The following FARP2 variants were observed in gnomAD, a reference collection of about 807,000 sequenced individuals.
FARP2 encodes the protein FERM, ARH/RhoGEF and pleckstrin domain protein 2, also known as FERM, ARHGEF and pleckstrin domain-containing protein 2.
Under a neutral mutation model 130.5 loss-of-function variants are expected in FARP2, and 111 were observed. The ratio of observed to expected loss-of-function variants is 0.85; its 90% CI spans 0.73 to 1.00. The LOEUF (loss-of-function observed/expected upper bound fraction) is 1.00, where lower values mean the gene tolerates loss of function less well. Ranked by LOEUF, FARP2 falls within the 50% of genes least tolerant of loss-of-function variation. The pLI is 0.00. For synonymous variants in FARP2, 504 were observed against 516.9 expected, an observed-to-expected ratio of 0.98 and a Z score of 0.34; for missense variants, 1,385 against 1,346.3, an observed-to-expected ratio of 1.03 and a Z score of -0.45.
chr2:241,415,535 G>A (rs1048196942), intron 7 of FARP2, among the ~76,000 whole-genome samples: 2 of 152,188 alleles, frequency 1.3e-5, no homozygotes, highest in Non-Finnish European at 2.9e-5. Flanking sequence ...TGGGATGCTG[G>A]GGAGAGTGTT....
chr2:241,411,987 G>A (rs368755993), intron 6 of FARP2, among the ~76,000 whole-genome samples: 1 of 152,156 alleles, frequency 6.6e-6, no homozygotes, highest in East Asian at 1.9e-4. Context: ...ACATGGCAAC[G>A]AATGCAATGT....
intron 13 of FARP2, among the ~76,000 whole-genome samples, chr2:241,454,058 A>G (rs922866994): frequency 2.0e-5 from 3 of 152,064 alleles, no homozygotes; most frequent in South Asian, 2.1e-4. Context: ...TGTTGGGATT[A>G]TAGCCATGAG....
At chr2:241,413,469 C>G (rs973133944) in intron 7 of FARP2, 48 bp downstream of exon 7, 2 of 1,250,090 alleles carry the variant, frequency 1.6e-6, no homozygotes, top group Middle Eastern at 1.8e-4. Context: ...ACAGTAATGA[C>G]TAAAGAGTGT....
At position 241,494,208 on chromosome 2, in the gene FARP2, A is replaced by T; in HGVS notation, c.*83A>T. On this transcript the variant is annotated 3_prime_UTR_variant, in exon 27 of 27. Transcript: ENST00000264042. The surrounding 1 kb of genome is among the most constrained non-coding windows in gnomAD (Gnocchi z 4.9). ...CCTCTGTCCTGAGGCTTCTCAACAG[A>T]TGGGAAGTGGCTGTGGTCTCACTGG... 1.2e-6 allele frequency: 1 copy of T among 804,916 alleles called. No homozygotes were observed. The highest frequency in any genetic ancestry group is 2.4e-4 in the Middle Eastern group (1 of 4,116). 49.9% of individuals were successfully genotyped at this position (804,916 alleles called of 1,614,324 possible). A position where few individuals can be genotyped will look rare whatever the true frequency, so the allele number is the denominator to read the frequency against.
At chr2:241,399,382 T>G (rs2062106197) in intron 2 of FARP2, among the ~76,000 whole-genome samples, 1 of 152,216 alleles carries the variant, frequency 6.6e-6, no homozygotes, top group Admixed American at 6.5e-5. Flanking sequence ...CCCAGCTTAC[T>G]GCAACCTCCA....
At chr2:241,392,593 A>G (rs367948066) in intron 2 of FARP2, among the ~76,000 whole-genome samples, 1 of 152,248 alleles carries the variant, frequency 6.6e-6, no homozygotes, top group South Asian at 2.1e-4. Flanking sequence ...TAGAAAGATG[A>G]AGTGCCTGGG....
At chr2:241,453,565 T>G (rs1399262425) in intron 13 of FARP2, among the ~76,000 whole-genome samples, 8 of 150,724 alleles carry the variant, frequency 5.3e-5, no homozygotes, top group Admixed American at 4.6e-4. Flanking sequence ...GAGCTTGCAG[T>G]GAGCCGAGAT....
chr2:241,423,988 G>A (rs1362335624), intron 8 of FARP2, among the ~76,000 whole-genome samples: 1 of 152,134 alleles, frequency 6.6e-6, no homozygotes, highest in Non-Finnish European at 1.5e-5. Flanking sequence ...AAACGACTTA[G>A]ACTCCCACAC....
At chr2:241,415,421 C>G (rs956272124) in intron 7 of FARP2, among the ~76,000 whole-genome samples, 3 of 152,154 alleles carry the variant, frequency 2.0e-5, no homozygotes, top group Non-Finnish European at 4.4e-5. Context: ...ATAGTCTCTC[C>G]CTGCTGAGAC....
At chr2:241,367,376 A>AT (rs1384677614) in intron 1 of FARP2, among the ~76,000 whole-genome samples, 4 of 152,076 alleles carry the variant, frequency 2.6e-5, no homozygotes, top group African/African-American at 9.7e-5. Flanking sequence ...AGGTCTTGAC[A>AT]TTTTTCTCTG....
intron 13 of FARP2, among the ~76,000 whole-genome samples, chr2:241,451,165 G>A (rs1002144103): frequency 1.8e-4 from 27 of 152,074 alleles, no homozygotes; most frequent in African/African-American, 6.3e-4. Context: ...GTAGAGACAG[G>A]GTTTCACTGT....
In FARP2 at chr2:241,491,627, G is replaced by T; in HGVS notation, c.2735G>T (p.Cys912Phe). The T allele has an allele frequency of 6.2e-7, 1 of 1,613,544 alleles. No homozygotes were observed. The highest frequency in any genetic ancestry group is 1.1e-5 in the South Asian group (1 of 91,068). Residue 912 changes from cysteine (C) to phenylalanine (F), a missense_variant, in exon 24 of 27, where the codon TGC becomes TTC. Coordinates refer to ENST00000264042, the MANE Select transcript of FARP2 (RefSeq NM_014808.4). ...CGGGCCAACACCACAATGCACGTGTGCTGGTACCGGAACACCAGCGTGTCC... is the reference window on the plus strand; with the variant it reads ...CGGGCCAACACCACAATGCACGTGTTCTGGTACCGGAACACCAGCGTGTCC... ...QHRANTTMHV[C>F]WYRNTSVSRA...
At chr2:241,376,526 TC>T (rs11295516) in intron 2 of FARP2, among the ~76,000 whole-genome samples, 118,139 of 152,116 alleles carry the variant, frequency 0.78, 46,060 homozygotes, top group Middle Eastern at 0.85. Context: ...GTGGGCAGAG[TC>T]CCCCTCCTGG....
At chr2:241,397,367 T>C (rs2062056526) in intron 2 of FARP2, among the ~76,000 whole-genome samples, 1 of 152,124 alleles carries the variant, frequency 6.6e-6, no homozygotes, top group Non-Finnish European at 1.5e-5. Flanking sequence ...ACTAGATTGA[T>C]GTGTGTTTTG....
chr2:241,389,914 A>G (rs1258867266), intron 2 of FARP2, among the ~76,000 whole-genome samples: 1 of 152,176 alleles, frequency 6.6e-6, no homozygotes, highest in African/African-American at 2.4e-5. Context: ...AGTTCATGCC[A>G]TGACTCGAGC....
At chr2:241,363,511 C>T (rs900935822) in intron 1 of FARP2, among the ~76,000 whole-genome samples, 1 of 152,212 alleles carries the variant, frequency 6.6e-6, no homozygotes, top group African/African-American at 2.4e-5. Flanking sequence ...GGGAATTGCT[C>T]AGGAAAGTGA....
rs536053052 is a variant in FARP2 at position 241,490,793 on chromosome 2, C to A, written c.2505-268C>A. On this transcript the variant is annotated intron_variant, in intron 22 of 26. Transcript: ENST00000264042. ...GAGAACATCATTTCAGGAACAAATA[C>A]CCCTGCAGACCCCCTGTTCTAGGAC... 3.9e-5 allele frequency among the ~76,000 whole-genome samples: 6 copies of A among 152,336 alleles called. No homozygotes were observed. The South Asian group carries it at 8.3e-4, about 21-fold the overall frequency.
chr2:241,433,923 G>A (rs2063153068), intron 9 of FARP2, among the ~76,000 whole-genome samples: 1 of 152,158 alleles, frequency 6.6e-6, no homozygotes, highest in South Asian at 2.1e-4. Context: ...CTGAGCAGTA[G>A]GAGGGGAGCG....
intron 2 of FARP2, among the ~76,000 whole-genome samples, chr2:241,374,621 G>A (rs139418947): frequency 2.0e-3 from 303 of 152,284 alleles, no homozygotes; most frequent in African/African-American, 7.1e-3. Context: ...GGTGGGTGGG[G>A]CAGTGAAGCT....
Sources: gnomAD v4.1 joint callset for allele counts (sites outside exome capture counted in the v4.1 genomes callset) on GRCh38, gnomAD v4.1.1 for gene constraint, Gnocchi (gnomAD v3.1) non-coding constraint, MANE v1.5 for transcripts, NCBI Gene and HGNC (gene_info 2026-07-23, HGNC 2026-07-21) for gene names.